The following C12orf42 variants were observed in gnomAD, a reference collection of about 807,000 sequenced individuals.
C12orf42 encodes the protein chromosome 12 open reading frame 42, also known as uncharacterized protein C12orf42.
Under a neutral mutation model 21.6 loss-of-function variants are expected in C12orf42, and 25 were observed. That is an observed-to-expected ratio of 1.16 (90% CI 0.84 to 1.62). The LOEUF (loss-of-function observed/expected upper bound fraction) is 1.62. Among genes scored for constraint, C12orf42 ranks in the 40% most tolerant of loss-of-function variants. C12orf42 has a pLI of 0.00. For missense variants in C12orf42, 483 were observed against 459.3 expected, an observed-to-expected ratio of 1.05 and a Z score of -0.47; for synonymous variants, 174 against 175.0, an observed-to-expected ratio of 0.99 and a Z score of 0.05.
the C12orf42 span, among the ~76,000 whole-genome samples, chr12:103,507,171 ATTTATATTATATATAATATAT>A: frequency 4.0e-5 from 1 of 25,104 alleles, no homozygotes; most frequent in African/African-American, 4.5e-4. Flanking sequence ...TATAATATAT[ATTTATATTATATATAATATAT>A]ATATATTTAT....
the C12orf42 span, among the ~76,000 whole-genome samples, chr12:103,219,500 C>T: frequency 1.2e-4 from 19 of 152,070 alleles, no homozygotes; most frequent in African/African-American, 3.6e-4. Flanking sequence ...AAAATTTTTG[C>T]AATCTATCCA....
chr12:103,449,476 A>C (rs1430821959), intron 2 of C12orf42, among the ~76,000 whole-genome samples: 2 of 152,040 alleles, frequency 1.3e-5, no homozygotes, highest in Non-Finnish European at 2.9e-5. Flanking sequence ...CCTGTTCCCC[A>C]AAAACATATT....
At chr12:103,259,261 A>G (rs2034769213) in intron 10 of C12orf42, among the ~76,000 whole-genome samples, 1 of 152,168 alleles carries the variant, frequency 6.6e-6, no homozygotes, top group African/African-American at 2.4e-5. Flanking sequence ...CAGTTCTCCT[A>G]GAGTCAATTT....
chr12:103,452,321 C>T (rs1432345280), intron 2 of C12orf42, among the ~76,000 whole-genome samples: 1 of 152,094 alleles, frequency 6.6e-6, no homozygotes, highest in African/African-American at 2.4e-5. Flanking sequence ...AGCACACCAT[C>T]ACTTCCACCA....
the C12orf42 span, among the ~76,000 whole-genome samples, chr12:103,134,188 C>T: frequency 1.2e-4 from 18 of 151,890 alleles, no homozygotes; most frequent in Admixed American, 1.1e-3. Flanking sequence ...TGTAAGGACA[C>T]AAAAAACTTG....
At chr12:103,107,672 A>G in the C12orf42 span, among the ~76,000 whole-genome samples, 2 of 151,860 alleles carry the variant, frequency 1.3e-5, no homozygotes, top group Non-Finnish European at 3.0e-5. Context: ...AAAATGAGTT[A>G]AACATTTAAA....
chr12:103,211,924 G>A, the C12orf42 span, among the ~76,000 whole-genome samples: 3 of 151,946 alleles, frequency 2.0e-5, no homozygotes, highest in African/African-American at 4.8e-5. Context: ...AAATTTTAAG[G>A]TACATTTTAT....
intron 4 of C12orf42, among the ~76,000 whole-genome samples, chr12:103,279,348 C>T (rs1178901415): frequency 1.3e-5 from 2 of 152,054 alleles, no homozygotes; most frequent in African/African-American, 2.4e-5. Context: ...CATCAAAATG[C>T]ATACATTAAA....
the C12orf42 span, among the ~76,000 whole-genome samples, chr12:103,152,094 AAAC>A: frequency 2.0e-5 from 3 of 152,214 alleles, no homozygotes; most frequent in Non-Finnish European, 4.4e-5. Context: ...ATAGCCAGGA[AAAC>A]AACAACAACA....
At chr12:103,388,173 G>T (rs1355743374) in intron 3 of C12orf42, among the ~76,000 whole-genome samples, 1 of 152,350 alleles carries the variant, frequency 6.6e-6, no homozygotes, top group Admixed American at 6.5e-5. Flanking sequence ...CCAGAGAAGG[G>T]GGGGTGATAA....
At chr12:103,405,323 A>T (rs1181721527) in intron 2 of C12orf42, among the ~76,000 whole-genome samples, 1 of 152,190 alleles carries the variant, frequency 6.6e-6, no homozygotes, top group Non-Finnish European at 1.5e-5. Flanking sequence ...TCAGATAAAG[A>T]ATGAATTTTC....
At chr12:103,078,780 A>T in the C12orf42 span, among the ~76,000 whole-genome samples, 156 of 152,352 alleles carry the variant, frequency 1.0e-3, no homozygotes, top group African/African-American at 3.7e-3. Context: ...AGAAAGGACT[A>T]GTTTTTGGCA....
chr12:103,517,979 A>T, the C12orf42 span, among the ~76,000 whole-genome samples: 20 of 152,298 alleles, frequency 1.3e-4, no homozygotes, highest in Middle Eastern at 6.8e-3. Flanking sequence ...TTTTAACATC[A>T]TGAATCAGAA....
chr12:103,515,826 T>A, the C12orf42 span, among the ~76,000 whole-genome samples: 1 of 152,336 alleles, frequency 6.6e-6, no homozygotes, highest in East Asian at 1.9e-4. Flanking sequence ...ATAATCTATT[T>A]TTTAAAAGAA....
chr12:103,320,890 C>CT (rs201903440), intron 4 of C12orf42, among the ~76,000 whole-genome samples: 1 of 151,920 alleles, frequency 6.6e-6, no homozygotes, highest in Non-Finnish European at 1.5e-5. Flanking sequence ...GTGAGTATAC[C>CT]TTTTTTAAAA....
At chr12:103,517,579 G>T in the C12orf42 span, among the ~76,000 whole-genome samples, 1 of 152,180 alleles carries the variant, frequency 6.6e-6, no homozygotes, top group African/African-American at 2.4e-5. Flanking sequence ...AGAGTTAGAT[G>T]AACCAACACT....
intron 3 of C12orf42, among the ~76,000 whole-genome samples, chr12:103,381,304 G>A (rs1372467785): frequency 6.6e-6 from 1 of 152,128 alleles, no homozygotes; most frequent in African/African-American, 2.4e-5. Context: ...ATGTTCTATA[G>A]AGCTGAGCAC....
In C12orf42 at chr12:103,478,406, C is replaced by A; in HGVS notation, c.21G>T (p.Met7Ile). 6.3e-7 allele frequency: 1 copy of A among 1,596,736 alleles called. No homozygotes were observed. Among genetic ancestry groups the A allele is most frequent in the Non-Finnish European group, 8.6e-7 (1 of 1,168,826 alleles). ...GCAAGAATTCTTCTTCCCTTTGTTT[C>A]ATACATATCACTGTAGACATTAATT... MSTVICMKQREEEFLLT... is the reference protein window; with the variant it reads MSTVICIKQREEEFLLT... Residue 7 changes from methionine (M) to isoleucine (I), a missense_variant, in exon 2 of 6, where the codon ATG becomes ATT. By Grantham distance (10) the Met-to-Ile change is conservative (BLOSUM62 1). Coordinates refer to ENST00000548883, the MANE Select transcript of C12orf42 (RefSeq NM_198521.5).
the C12orf42 span, among the ~76,000 whole-genome samples, chr12:103,185,171 T>C: frequency 6.6e-6 from 1 of 152,174 alleles, no homozygotes; most frequent in South Asian, 2.1e-4. Flanking sequence ...AGGTTTTCTA[T>C]TGTAGACATT....
Sources: allele counts gnomAD v4.1 joint callset (sites outside exome capture counted in the v4.1 genomes callset), GRCh38; gene constraint gnomAD v4.1.1; transcripts MANE v1.5; gene names NCBI Gene and HGNC (gene_info 2026-07-23, HGNC 2026-07-21).